SLC2A9: variants seen among roughly 807,000 people sequenced by gnomAD.
The protein encoded by SLC2A9 is solute carrier family 2, facilitated glucose transporter member 9.
Under a neutral mutation model 50.6 loss-of-function variants are expected in SLC2A9, and 39 were observed. That is an observed-to-expected ratio of 0.77 (90% CI 0.60 to 1.01). The LOEUF (loss-of-function observed/expected upper bound fraction) is 1.01, where lower values mean the gene tolerates loss of function less well. Ranked by LOEUF, SLC2A9 falls within the 50% of genes least tolerant of loss-of-function variation. The pLI is 0.00. For missense variants in SLC2A9, 686 were observed against 677.6 expected (o/e 1.01, Z -0.14); for synonymous variants, 324 against 276.9 (o/e 1.17, Z -1.69).
At chr4:10,012,842 C>T (rs1761988524) in intron 2 of SLC2A9, among the ~76,000 whole-genome samples, 1 of 152,096 alleles carries the variant, frequency 6.6e-6, no homozygotes, top group African/African-American at 2.4e-5. Context: ...AGAGTGGTCA[C>T]ATCTGTCATG....
chr4:9,824,934 G>A (rs534217384), downstream of SLC2A9, among the ~76,000 whole-genome samples: 23 of 152,206 alleles, frequency 1.5e-4, no homozygotes, highest in Non-Finnish European at 2.9e-4. Flanking sequence ...CATTGAGTTG[G>A]CAATTAACCA....
intron 5 of SLC2A9, among the ~76,000 whole-genome samples, chr4:9,951,998 A>G (rs1458730163): frequency 6.6e-6 from 1 of 152,236 alleles, no homozygotes; most frequent in Non-Finnish European, 1.5e-5. Context: ...AAGACTCCCA[A>G]TGCCACAGAA....
intron 6 of SLC2A9, among the ~76,000 whole-genome samples, chr4:9,937,479 A>G (rs1747300381): frequency 6.6e-6 from 1 of 152,172 alleles, no homozygotes; most frequent in African/African-American, 2.4e-5. Context: ...CTTGGCTCAC[A>G]TCTTAGAAAT....
intron 3 of SLC2A9, among the ~76,000 whole-genome samples, chr4:9,807,981 T>C (rs1050405707): frequency 1.3e-5 from 2 of 152,218 alleles, no homozygotes; most frequent in Non-Finnish European, 2.9e-5. Context: ...AATCTCACCA[T>C]GTCTTGCCAC....
rs1009257432 is a variant in SLC2A9, at chr4:10,017,684, G to T, written c.249+1291C>A. Among the ~76,000 whole-genome samples, 10 of 152,320 alleles carry T rather than the reference G, an allele frequency of 6.6e-5. No individual in the cohort carries two copies. The South Asian group carries it at 1.7e-3, about 25-fold the overall frequency. On this transcript the variant is annotated intron_variant, in intron 2 of 11. Transcript: ENST00000264784. ...CAAGGATGCTGGACTCCCAAGCAAG[G>T]AAAAGCCTGGAAGGCACCCAGGGCT...
At position 9,880,056 on chromosome 4, in the gene SLC2A9, A is replaced by G. The variant is rs116831227; in HGVS notation, c.1291+7511T>C. ...TTCTTTAATCATGGAGAGCAGGCCC[A>G]TGAGTCTCTCTGCCATTCAGCTCTG... On this transcript the variant is annotated intron_variant, in intron 10 of 11. Coordinates refer to ENST00000264784, the MANE Select transcript of SLC2A9 (RefSeq NM_020041.3). 809 of 985,398 alleles carry G rather than the reference A, an allele frequency of 8.2e-4. 5 individuals carry two copies. In the African/African-American group the frequency reaches 0.013, roughly 16 times the overall value. The allele number at this position is 985,398 out of a possible 1,614,324, so 61.0% of individuals were successfully genotyped here.
chr4:9,970,194 G>A (rs960681568), intron 5 of SLC2A9, among the ~76,000 whole-genome samples: 7 of 152,190 alleles, frequency 4.6e-5, no homozygotes, highest in African/African-American at 1.7e-4. Flanking sequence ...CTGGAGCTGA[G>A]TGGTGGGGAA....
intron 8 of SLC2A9, among the ~76,000 whole-genome samples, chr4:9,892,362 A>C (rs1737653822): frequency 6.6e-6 from 1 of 151,886 alleles, no homozygotes. Context: ...ATGTCTCTAA[A>C]AGCATCCAAG....
At chr4:9,844,120 A>T (rs1302544760) in intron 10 of SLC2A9, among the ~76,000 whole-genome samples, 1 of 144,262 alleles carries the variant, frequency 6.9e-6, no homozygotes, top group Non-Finnish European at 1.5e-5. Flanking sequence ...GCTCAAGGTA[A>T]TGAAACTTGG....
In SLC2A9 at chr4:9,834,342, A is replaced by G. The variant is rs1428082179; in HGVS notation, c.1419+539T>C. ...GGCACACAGCTGGGACTCAACATATATATGTGTTGAATTAATGAATTCGGT... is the reference window on the plus strand; with the variant it reads ...GGCACACAGCTGGGACTCAACATATGTATGTGTTGAATTAATGAATTCGGT... On this transcript the variant is annotated intron_variant, in intron 11 of 11. Transcript: ENST00000264784. Among the ~76,000 whole-genome samples the G allele has an allele frequency of 2.6e-5, 4 of 152,290 alleles. No homozygotes were observed. The South Asian group carries it at 6.2e-4, about 24-fold the overall frequency.
chr4:9,894,045 T>C (rs1471907888), intron 8 of SLC2A9, among the ~76,000 whole-genome samples: 1 of 152,186 alleles, frequency 6.6e-6, no homozygotes, highest in African/African-American at 2.4e-5. Context: ...CAAGGGGCAG[T>C]TGCAAACGTC....
chr4:9,997,327 A>T (rs1359322373), intron 2 of SLC2A9, among the ~76,000 whole-genome samples: 5 of 152,088 alleles, frequency 3.3e-5, no homozygotes, highest in Non-Finnish European at 5.9e-5. Flanking sequence ...CTCAGATCTG[A>T]CCCCAAGCTT....
chr4:9,809,275 G>A (rs1722537874), intron 3 of SLC2A9, among the ~76,000 whole-genome samples: 2 of 152,174 alleles, frequency 1.3e-5, no homozygotes, highest in African/African-American at 4.8e-5. Context: ...ATGTCCCTGG[G>A]TATCATATCC....
intron 3 of SLC2A9, among the ~76,000 whole-genome samples, chr4:9,812,495 G>GTT (rs34929839): frequency 3.6e-4 from 53 of 145,938 alleles, no homozygotes; most frequent in South Asian, 2.4e-3. Context: ...GCATAAACAT[G>GTT]TTTTTTTTTT....
Position 9,801,128 on chromosome 4 carries a change from G to A in SLC2A9, n.421-1887C>T, listed in dbSNP as rs191239114. The stretch of plus-strand genomic sequence containing the variant: ...TGAATGTGGCTTTTGTTGTCAGGAG[G>A]AAAAAAAAAAAGACACATGGCTCAG... On this transcript the variant is annotated intron_variant and non_coding_transcript_variant, in intron 3 of 3. Coordinates refer to the SLC2A9 transcript ENST00000503280. 5.3e-3 allele frequency among the ~76,000 whole-genome samples: 776 copies of A among 145,254 alleles called. 30 individuals are homozygous for A. In the East Asian group the frequency reaches 0.082, roughly 15 times the overall value.
intron 6 of SLC2A9, among the ~76,000 whole-genome samples, chr4:9,939,302 A>G (rs1747696766): frequency 6.6e-6 from 1 of 151,998 alleles, no homozygotes; most frequent in South Asian, 2.1e-4. Flanking sequence ...ACAGAACAAC[A>G]CTGTTGACCT....
intron 5 of SLC2A9, among the ~76,000 whole-genome samples, chr4:9,977,636 C>A: frequency 6.7e-6 from 1 of 149,248 alleles, no homozygotes; most frequent in Non-Finnish European, 1.5e-5. Flanking sequence ...TTACCTCTGG[C>A]TAGAACTCCC....
At chr4:9,861,856 C>A (rs1731715924) in intron 10 of SLC2A9, among the ~76,000 whole-genome samples, 1 of 152,138 alleles carries the variant, frequency 6.6e-6, no homozygotes, top group African/African-American at 2.4e-5. Flanking sequence ...AAAGTACAGA[C>A]ACATCTTTCA....
intron 5 of SLC2A9, among the ~76,000 whole-genome samples, chr4:9,948,914 A>G (rs530235558): frequency 2.0e-5 from 3 of 152,332 alleles, no homozygotes; most frequent in African/African-American, 7.2e-5. Flanking sequence ...GTCCATCCAC[A>G]CATCTGACAA....
Sources: allele counts gnomAD v4.1 joint callset (sites outside exome capture counted in the v4.1 genomes callset), GRCh38; gene constraint gnomAD v4.1.1; transcripts MANE v1.5; gene names NCBI Gene and HGNC (gene_info 2026-07-23, HGNC 2026-07-21).